The following BEND3 variants were observed in gnomAD, a reference collection of about 807,000 sequenced individuals.
The protein encoded by BEND3 is BEN domain-containing protein 3.
In BEND3, 13 loss-of-function variants were observed where a neutral mutation model predicts 60.1. That is an observed-to-expected ratio of 0.22 (90% CI 0.14 to 0.34). The LOEUF (loss-of-function observed/expected upper bound fraction) is 0.34, where lower values mean the gene tolerates loss of function less well. Ranked by LOEUF, BEND3 falls within the 10% of genes least tolerant of loss-of-function variation. The probability of loss-of-function intolerance (pLI) is 1.00; values close to 1 mark genes in which losing one functional copy is unlikely to be tolerated. For missense variants in BEND3, 896 were observed against 1,138.1 expected, an observed-to-expected ratio of 0.79 and a Z score of 3.06; for synonymous variants, 497 against 491.5, an observed-to-expected ratio of 1.01 and a Z score of -0.15.
At position 107,070,697 on chromosome 6, in the gene BEND3, G is replaced by T; in HGVS notation, c.494C>A (p.Pro165His). Residue 165 changes from proline (P) to histidine (H), a missense_variant, in exon 4 of 4, where the codon CCC becomes CAC. Physicochemically the swap from Pro to His is moderately conservative, Grantham distance 77. Around this residue, in one of 4 missense-constraint regions of BEND3, gnomAD observed 846 missense variants for 1,036.7 expected, o/e 0.82. Transcript: ENST00000369042. The surrounding 1 kb of genome is among the most constrained non-coding windows in gnomAD (Gnocchi z 6.9). The stretch of plus-strand genomic sequence containing the variant: ...CTCATTCAGGAGCCGCAGTGACGAG[G>T]GGCTGTTGCTGGCGTTTGCCTTCTC... ...LFEKANASNS[P>H]SSLRLLNEPQ... 2 of 1,613,336 alleles carry T rather than the reference G, an allele frequency of 1.2e-6. No individual in the cohort carries two copies. Among genetic ancestry groups the T allele is most frequent in the Non-Finnish European group, 1.7e-6 (2 of 1,180,020 alleles).
intron 3 of BEND3, among the ~76,000 whole-genome samples, chr6:107,076,115 T>A (rs1775094332): frequency 6.6e-6 from 1 of 152,198 alleles, no homozygotes; most frequent in South Asian, 2.1e-4. Context: ...AAGAGAAACT[T>A]CTTAGATACT....
At chr6:107,097,729 G>T (rs1582664598) in intron 3 of BEND3, among the ~76,000 whole-genome samples, 1 of 141,686 alleles carries the variant, frequency 7.1e-6, no homozygotes, top group East Asian at 2.1e-4. Context: ...GGCAGAGGTT[G>T]CTGTGAGCTG....
chr6:107,103,517 T>C (rs9480736), intron 1 of BEND3, among the ~76,000 whole-genome samples: 4,321 of 152,320 alleles, frequency 0.028, 204 homozygotes, highest in African/African-American at 0.099. Flanking sequence ...ATTTTCAAAA[T>C]GTTCTCATGC....
At chr6:107,114,103 GT>G (rs1304827721) in intron 1 of BEND3, 3 of 152,238 alleles carry the variant, frequency 2.0e-5, no homozygotes, top group Admixed American at 2.0e-4. Context: ...TTTTATCTCT[GT>G]AAAAACACCT....
chr6:107,078,089 C>T (rs1049706404), intron 3 of BEND3, among the ~76,000 whole-genome samples: 3 of 152,200 alleles, frequency 2.0e-5, no homozygotes, highest in Non-Finnish European at 2.9e-5. Context: ...AAGTCCTCTC[C>T]AACAGAGGTG....
chr6:107,111,956 T>C lies in BEND3; in HGVS notation c.-12+3134A>G, dbSNP rs1334551265. On this transcript the variant is annotated intron_variant, in intron 1 of 3. Coordinates refer to ENST00000369042, the MANE Select transcript of BEND3 (RefSeq NM_001367314.1). ...GAGATCGCGCCACTGCACTCCAGCC[T>C]GGGCACCAGAGTGAGACTCCGTTTC... 2.0e-5 allele frequency among the ~76,000 whole-genome samples: 3 copies of C among 148,358 alleles called. No individual in the cohort carries two copies. In the East Asian group the frequency reaches 5.9e-4, roughly 29 times the overall value.
chr6:107,077,817 C>T (rs146790762), intron 3 of BEND3, among the ~76,000 whole-genome samples: 118 of 152,248 alleles, frequency 7.8e-4, no homozygotes, highest in African/African-American at 2.8e-3. Flanking sequence ...TAAGAATCCT[C>T]GGCTCACACC....
intron 3 of BEND3, among the ~76,000 whole-genome samples, chr6:107,089,935 T>C (rs1207512245): frequency 6.6e-6 from 1 of 151,694 alleles, no homozygotes; most frequent in Non-Finnish European, 1.5e-5. Flanking sequence ...AAAATTCCAA[T>C]GATATTCTTC....
In BEND3 at chr6:107,107,183, C is replaced by T. The variant is rs973226838; in HGVS notation, c.-11-7887G>A. On this transcript the variant is annotated intron_variant, in intron 1 of 3. Transcript: ENST00000369042. The stretch of plus-strand genomic sequence containing the variant: ...AACTCCTGACCTCAGCTGATCCACC[C>T]GCCTCGGCCTCCCAAAGTGCTGAGA... 5.3e-5 allele frequency among the ~76,000 whole-genome samples: 8 copies of T among 151,536 alleles called. No individual in the cohort carries two copies. In the East Asian group the frequency reaches 5.9e-4, roughly 11 times the overall value.
intron 3 of BEND3, among the ~76,000 whole-genome samples, chr6:107,080,279 C>A (rs9373913): frequency 7.1e-6 from 1 of 141,556 alleles, no homozygotes; most frequent in Non-Finnish European, 1.5e-5. Context: ...TGCTTAAGCC[C>A]GGGAGGTCGA....
intron 3 of BEND3, among the ~76,000 whole-genome samples, chr6:107,074,985 C>T (rs1006273908): frequency 9.9e-5 from 15 of 151,926 alleles, no homozygotes; most frequent in Admixed American, 9.2e-4. Context: ...CCTGTAGTCC[C>T]AGCTACTCAG....
intron 1 of BEND3, among the ~76,000 whole-genome samples, chr6:107,105,559 G>C (rs573061999): frequency 2.0e-5 from 3 of 152,166 alleles, no homozygotes; most frequent in African/African-American, 7.2e-5. Context: ...TCTTTGAATA[G>C]TCAGTTGCTG....
At chr6:107,112,687 C>T (rs1417177582) in intron 1 of BEND3, among the ~76,000 whole-genome samples, 1 of 151,916 alleles carries the variant, frequency 6.6e-6, no homozygotes, top group Non-Finnish European at 1.5e-5. Flanking sequence ...AATCCCCTCT[C>T]TACTAAAAAT....
In BEND3 at chr6:107,102,087, G is replaced by C. The variant is rs140956495; in HGVS notation, c.-11-2791C>G. Among the ~76,000 whole-genome samples the C allele has an allele frequency of 5.7e-4, 87 of 152,304 alleles. No homozygotes were observed. In the East Asian group the frequency reaches 0.014, roughly 25 times the overall value. On this transcript the variant is annotated intron_variant, in intron 1 of 3. Coordinates refer to ENST00000369042, the MANE Select transcript of BEND3 (RefSeq NM_001367314.1). ...AGTCAAAGATTCTGGTAAGTGGAAA[G>C]CACTAAAAGGATGGGCAAATACTAG...
chr6:107,093,437 G>A (rs1775518199), intron 3 of BEND3, among the ~76,000 whole-genome samples: 1 of 151,686 alleles, frequency 6.6e-6, no homozygotes, highest in African/African-American at 2.4e-5. Context: ...CTCCAGCCTG[G>A]GCGACAGAGC....
chr6:107,109,305 A>G (rs1360083332), intron 1 of BEND3, among the ~76,000 whole-genome samples: 17 of 149,826 alleles, frequency 1.1e-4, no homozygotes, highest in South Asian at 2.3e-4. Context: ...TTAGCTGGGT[A>G]TGGTGGCACG....
Position 107,070,552 on chromosome 6 carries a change from C to T in BEND3, c.639G>A (p.Leu213=), listed in dbSNP as rs1774952129. 1 of 1,613,338 alleles carries T rather than the reference C, an allele frequency of 6.2e-7. No homozygotes were observed. The highest frequency in any genetic ancestry group is 8.5e-7 in the Non-Finnish European group (1 of 1,180,028). The change falls in exon 4 of 4, where the codon CTG becomes CTA. Residue 213 remains leucine (L), a synonymous_variant. Transcript: ENST00000369042. The surrounding 1 kb of genome is among the most constrained non-coding windows in gnomAD (Gnocchi z 6.9). ...LNTLTSNMSQ[L]HSKVDLLSLE... ...GGGAGAGCAGGTCCACCTTGCTGTG[C>T]AGCTGGGACATGTTGGACGTGAGGG...
chr6:107,074,502 G>A (rs1775059158), intron 3 of BEND3, among the ~76,000 whole-genome samples: 1 of 152,128 alleles, frequency 6.6e-6, no homozygotes, highest in Non-Finnish European at 1.5e-5. Flanking sequence ...TAGTTCTGTA[G>A]GGGACTTTTA....
In BEND3 at chr6:107,069,908, A is replaced by G; in HGVS notation, c.1283T>C (p.Leu428Pro). The change falls in exon 4 of 4, where the codon CTG becomes CCG. Residue 428 changes from leucine (L) to proline (P), a missense_variant. By Grantham distance (98) the Leu-to-Pro change is moderately conservative (BLOSUM62 -3). This residue lies in a region of BEND3 where 846 missense variants were observed against 1,036.7 expected (regional missense o/e 0.82). Coordinates refer to ENST00000369042, the MANE Select transcript of BEND3 (RefSeq NM_001367314.1). ...CCCGTAGCAGCTGTACTGTTCACCCAGCTTGCGGTGGTCGAAGAGCTCGGG... is the reference window on the plus strand; with the variant it reads ...CCCGTAGCAGCTGTACTGTTCACCCGGCTTGCGGTGGTCGAAGAGCTCGGG... ...LFPELFDHRK[L>P]GEQYSCYGDG... The G allele has an allele frequency of 6.2e-7, 1 of 1,613,918 alleles. No homozygotes were observed. The highest frequency in any genetic ancestry group is 1.3e-5 in the African/African-American group (1 of 75,028).
Sources: allele counts gnomAD v4.1 joint callset (sites outside exome capture counted in the v4.1 genomes callset), GRCh38; gene constraint gnomAD v4.1.1; regional missense constraint gnomAD v4.1.1; non-coding constraint Gnocchi (gnomAD v3.1); transcripts MANE v1.5; gene names NCBI Gene and HGNC (gene_info 2026-07-23, HGNC 2026-07-21).